The following CELF2 variants were observed in gnomAD, a reference collection of about 807,000 sequenced individuals.
The protein encoded by CELF2 is CUGBP Elav-like family member 2.
A neutral mutation model predicts 62.6 loss-of-function variants in CELF2; 8 were observed. The ratio of observed to expected loss-of-function variants is 0.13; its 90% confidence interval spans 0.07 to 0.23. The LOEUF is 0.23. Ranked by LOEUF, CELF2 falls within the 10% of genes least tolerant of loss-of-function variation. The probability of loss-of-function intolerance (pLI) is 1.00; values close to 1 mark genes in which losing one functional copy is unlikely to be tolerated. For synonymous variants in CELF2, 258 were observed against 250.0 expected, an observed-to-expected ratio of 1.03 and a Z score of -0.30; for missense variants, 333 against 671.0, an observed-to-expected ratio of 0.50 and a Z score of 5.56.
In CELF2 at chr10:11,257,718, T is replaced by G. The variant is rs750390784; in HGVS notation, c.404-20T>G. Reference sequence around the variant, plus strand: ...AAAAGATGAAATGGCCTTTGCTCATTCGTTATTTTTATCTCCTAGCTGTGG... The same window carrying G: ...AAAAGATGAAATGGCCTTTGCTCATGCGTTATTTTTATCTCCTAGCTGTGG... On this transcript the variant is annotated intron_variant, in intron 4 of 12. Transcript: ENST00000633077. 1.2e-6 allele frequency: 2 copies of G among 1,610,796 alleles called. No individual in the cohort carries two copies. The highest frequency in any genetic ancestry group is 2.2e-5 in the South Asian group (2 of 91,034).
At chr10:10,714,608 GC>G in the CELF2 span, among the ~76,000 whole-genome samples, 1 of 152,242 alleles carries the variant, frequency 6.6e-6, no homozygotes. Context: ...GATTATATAT[GC>G]CCCTACGACA....
At chr10:10,848,244 G>A (rs989797781) in intron 1 of CELF2, among the ~76,000 whole-genome samples, 2 of 152,126 alleles carry the variant, frequency 1.3e-5, no homozygotes, top group African/African-American at 4.8e-5. Context: ...AAAATCATGT[G>A]GTCTTGAATA....
chr10:10,912,300 A>G (rs1235381568), intron 1 of CELF2, among the ~76,000 whole-genome samples: 1 of 152,098 alleles, frequency 6.6e-6, no homozygotes, highest in Non-Finnish European at 1.5e-5. Context: ...TTCATAACAT[A>G]TTCTATATAA....
chr10:10,754,187 C>T, the CELF2 span, among the ~76,000 whole-genome samples: 4 of 150,940 alleles, frequency 2.7e-5, no homozygotes, highest in African/African-American at 9.8e-5. Context: ...CTCTGTCACC[C>T]AGGCTGGAAT....
intron 1 of CELF2, among the ~76,000 whole-genome samples, chr10:11,105,170 G>A (rs1057004463): frequency 1.3e-5 from 2 of 152,150 alleles, no homozygotes; most frequent in African/African-American, 2.4e-5. Flanking sequence ...TTCACTAAAC[G>A]AAAAACAAAT....
intron 1 of CELF2, among the ~76,000 whole-genome samples, chr10:10,801,028 C>A (rs796761946): frequency 2.2e-4 from 33 of 152,034 alleles, no homozygotes; most frequent in African/African-American, 7.7e-4. Context: ...ACATGTATCG[C>A]CCCCAAAGGC....
At chr10:11,040,654 C>T (rs769804775) in intron 1 of CELF2, among the ~76,000 whole-genome samples, 29 of 152,116 alleles carry the variant, frequency 1.9e-4, no homozygotes, top group Admixed American at 5.2e-4. Flanking sequence ...CCGTTACCAT[C>T]CTAGGTGCTG....
At chr10:10,843,498 A>T (rs1472542369) in intron 1 of CELF2, among the ~76,000 whole-genome samples, 1 of 150,392 alleles carries the variant, frequency 6.6e-6, no homozygotes, top group Non-Finnish European at 1.5e-5. Flanking sequence ...TCTGTTACTG[A>T]TCTATAATTT....
chr10:10,944,950 A>G (rs2047491006), intron 2 of CELF2, among the ~76,000 whole-genome samples: 1 of 152,092 alleles, frequency 6.6e-6, no homozygotes, highest in African/African-American at 2.4e-5. Flanking sequence ...AATGCATAGA[A>G]GGCATCAGGA....
At chr10:10,788,267 C>G in the CELF2 span, among the ~76,000 whole-genome samples, 9 of 151,062 alleles carry the variant, frequency 6.0e-5, no homozygotes, top group African/African-American at 2.2e-4. Flanking sequence ...CTTTTTTTTT[C>G]TAAAACTACT....
At chr10:10,752,438 C>G in the CELF2 span, among the ~76,000 whole-genome samples, 35 of 152,112 alleles carry the variant, frequency 2.3e-4, no homozygotes, top group Middle Eastern at 3.4e-3. Context: ...CGCCTGTAAT[C>G]CCAGCACTTT....
intron 2 of CELF2, among the ~76,000 whole-genome samples, chr10:11,000,172 T>G (rs1564338002): frequency 6.6e-6 from 1 of 152,204 alleles, no homozygotes; most frequent in Non-Finnish European, 1.5e-5. Context: ...TTTGTTTGTT[T>G]GTTTTTTTAA....
upstream of CELF2, among the ~76,000 whole-genome samples, chr10:11,017,555 G>C (rs2057424235): frequency 6.6e-6 from 1 of 152,192 alleles, no homozygotes; most frequent in African/African-American, 2.4e-5. The surrounding 1 kb of genome is among the most constrained non-coding windows in gnomAD (Gnocchi z 5.5). Flanking sequence ...CGGGCTGCTC[G>C]CCTCCCGCGG....
At chr10:11,154,502 C>T (rs908458331) in intron 1 of CELF2, among the ~76,000 whole-genome samples, 1 of 152,214 alleles carries the variant, frequency 6.6e-6, no homozygotes, top group Admixed American at 6.5e-5. Context: ...ATGAGGTGGC[C>T]TGCAGAGAAC....
chr10:10,517,174 T>C, the CELF2 span, among the ~76,000 whole-genome samples: 5,999 of 152,240 alleles, frequency 0.039, 376 homozygotes, highest in African/African-American at 0.14. Flanking sequence ...ATTACTGGAA[T>C]CATAGACAGG....
chr10:11,290,452 A>G lies in CELF2; in HGVS notation c.976+1900A>G, dbSNP rs976363746. The stretch of plus-strand genomic sequence containing the variant: ...TTGGGAGGAGTGTGAGCTTGTTGCA[A>G]CCTTCTTAAAATGTGGGCTACTGGA... On this transcript the variant is annotated intron_variant, in intron 9 of 12. Coordinates refer to ENST00000633077, the MANE Select transcript of CELF2 (RefSeq NM_001326342.2). The surrounding 1 kb of genome is among the most constrained non-coding windows in gnomAD (Gnocchi z 4.3). 2.0e-5 allele frequency among the ~76,000 whole-genome samples: 3 copies of G among 151,572 alleles called. No homozygotes were observed. Among genetic ancestry groups the G allele is most frequent in the Admixed American group, 6.6e-5 (1 of 15,202 alleles).
the CELF2 span, among the ~76,000 whole-genome samples, chr10:10,501,855 G>A: frequency 6.6e-6 from 1 of 152,150 alleles, no homozygotes; most frequent in Non-Finnish European, 1.5e-5. Flanking sequence ...CTTGATATTG[G>A]AGTGAAAGCA....
rs980699566 is a variant in CELF2 at position 10,865,332 on chromosome 10, C to T, written c.54-54632C>T. 7.2e-5 allele frequency among the ~76,000 whole-genome samples: 11 copies of T among 152,222 alleles called. No homozygotes were observed. The East Asian group carries it at 7.7e-4, about 11-fold the overall frequency. Reference sequence around the variant, plus strand: ...AGGTTTTGTTAGTGCTTTTTCTTCTCGCAAAAATATCAACCTGCATTTCAA... The same window carrying T: ...AGGTTTTGTTAGTGCTTTTTCTTCTTGCAAAAATATCAACCTGCATTTCAA... On this transcript the variant is annotated intron_variant, in intron 1 of 13. Coordinates refer to the CELF2 transcript ENST00000636488.
At chr10:11,239,084 G>C (rs1011394238) in intron 3 of CELF2, among the ~76,000 whole-genome samples, 4 of 152,158 alleles carry the variant, frequency 2.6e-5, no homozygotes, top group Admixed American at 2.6e-4. Context: ...CAGCCGATTA[G>C]AGTAATCTGT....
Sources: allele counts gnomAD v4.1 joint callset (sites outside exome capture counted in the v4.1 genomes callset), GRCh38; gene constraint gnomAD v4.1.1; non-coding constraint Gnocchi (gnomAD v3.1); transcripts MANE v1.5; gene names NCBI Gene and HGNC (gene_info 2026-07-23, HGNC 2026-07-21).